NIBAN1: variants seen among roughly 807,000 people sequenced by gnomAD.
NIBAN1 encodes the protein niban apoptosis regulator 1.
In NIBAN1, 81 loss-of-function variants were observed where a neutral mutation model predicts 75.1. That is an observed-to-expected ratio of 1.08 (90% CI 0.90 to 1.30). NIBAN1 has a LOEUF of 1.30. NIBAN1 is among the 50% of genes most tolerant of loss of function. The pLI, the probability that NIBAN1 is intolerant of heterozygous loss-of-function variation, is 0.00. For synonymous variants in NIBAN1, 436 were observed against 424.8 expected (o/e 1.03, Z -0.32); for missense variants, 1,133 against 1,128.1 (o/e 1.00, Z -0.06).
chr1:184,792,857 C>T lies in NIBAN1; in HGVS notation c.*2120G>A, dbSNP rs1327136763. On this transcript the variant is annotated 3_prime_UTR_variant, in exon 14 of 14. Transcript: ENST00000367511. ...GCAGGAAGCACAAATGATGACTAAA[C>T]CCTAGTTTCTGTCTTTTAAGAGAGG... 4 of 152,206 alleles carry T rather than the reference C, an allele frequency of 2.6e-5. No individual in the cohort carries two copies. The highest frequency in any genetic ancestry group is 5.9e-5 in the Non-Finnish European group (4 of 68,064). 9.4% of individuals were successfully genotyped at this position (152,206 alleles called of 1,614,324 possible).
At chr1:184,921,171 G>A (rs930706762) in intron 1 of NIBAN1, among the ~76,000 whole-genome samples, 2 of 151,220 alleles carry the variant, frequency 1.3e-5, no homozygotes, top group Non-Finnish European at 2.9e-5. Context: ...GTGGCACATG[G>A]CTGTAATCCC....
Position 184,949,119 on chromosome 1 carries a change from C to A in NIBAN1, c.55+25183G>T, listed in dbSNP as rs564992449. Among the ~76,000 whole-genome samples, 4 of 151,916 alleles carry A rather than the reference C, an allele frequency of 2.6e-5. 1 individual carries two copies. In the South Asian group the frequency reaches 6.2e-4, roughly 24 times the overall value. On this transcript the variant is annotated intron_variant, in intron 1 of 13. Coordinates refer to ENST00000367511, the MANE Select transcript of NIBAN1 (RefSeq NM_052966.4). Reference sequence around the variant, plus strand: ...TGGAATATTCAGCACTTTGGGAGGCCGAGGCGGGCGGATCATGAGGTCAGA... The same window carrying A: ...TGGAATATTCAGCACTTTGGGAGGCAGAGGCGGGCGGATCATGAGGTCAGA...
At chr1:184,876,641 C>T (rs866397255) in intron 5 of NIBAN1, among the ~76,000 whole-genome samples, 18 of 151,600 alleles carry the variant, frequency 1.2e-4, no homozygotes, top group Middle Eastern at 3.4e-3. Flanking sequence ...GCAGAGGTTG[C>T]AGTGCGCCCA....
chr1:184,926,331 G>A (rs973862054), intron 1 of NIBAN1, among the ~76,000 whole-genome samples: 6 of 152,136 alleles, frequency 3.9e-5, no homozygotes, highest in South Asian at 2.1e-4. Flanking sequence ...TCCACCTCCC[G>A]GGTTCAAGTG....
At chr1:184,899,353 T>A (rs768250219) in intron 1 of NIBAN1, 44 bp from the exon 2 acceptor site, 1 of 1,600,928 alleles carries the variant, frequency 6.2e-7, no homozygotes, top group East Asian at 2.2e-5. Context: ...TAGCACAGAA[T>A]ATACACCTAT....
chr1:184,845,659 C>A (rs1571513832), intron 5 of NIBAN1, among the ~76,000 whole-genome samples: 1 of 29,062 alleles, frequency 3.4e-5, no homozygotes, highest in Non-Finnish European at 7.1e-5. Flanking sequence ...GTCTACAGAT[C>A]CCAGCGTAAG....
At chr1:184,801,981 G>A (rs1170479365) in intron 12 of NIBAN1, among the ~76,000 whole-genome samples, 1 of 152,198 alleles carries the variant, frequency 6.6e-6, no homozygotes, top group Non-Finnish European at 1.5e-5. Context: ...GTGTTGGGGA[G>A]TCAGAATCAT....
At chr1:184,820,504 T>C (rs1224502849) in intron 8 of NIBAN1, among the ~76,000 whole-genome samples, 1 of 152,242 alleles carries the variant, frequency 6.6e-6, no homozygotes, top group Admixed American at 6.5e-5. Flanking sequence ...TTCACCCTAA[T>C]GTCCTGGAAC....
At chr1:184,869,583 C>T (rs1656044675) in intron 5 of NIBAN1, among the ~76,000 whole-genome samples, 1 of 150,614 alleles carries the variant, frequency 6.6e-6, no homozygotes, top group Non-Finnish European at 1.5e-5. Context: ...CACTCTGTTT[C>T]CCAAGCCGGA....
chr1:184,958,599 C>T (rs184188123), intron 1 of NIBAN1, among the ~76,000 whole-genome samples: 2 of 152,098 alleles, frequency 1.3e-5, no homozygotes, highest in Admixed American at 1.3e-4. Context: ...CATTTGATAC[C>T]CTGTTACCTT....
chr1:184,888,353 TC>T (rs1391218335), intron 4 of NIBAN1, among the ~76,000 whole-genome samples: 1 of 152,144 alleles, frequency 6.6e-6, no homozygotes, highest in Admixed American at 6.5e-5. Context: ...TATCAAACAA[TC>T]CTCCTTGCCC....
intron 5 of NIBAN1, among the ~76,000 whole-genome samples, chr1:184,853,863 T>A (rs1655606631): frequency 6.6e-6 from 1 of 152,206 alleles, no homozygotes; most frequent in African/African-American, 2.4e-5. Flanking sequence ...TCTCTTTGCT[T>A]TCCCATTAAG....
chr1:184,952,125 G>C (rs1254138777), intron 1 of NIBAN1, among the ~76,000 whole-genome samples: 1 of 152,214 alleles, frequency 6.6e-6, no homozygotes, highest in East Asian at 1.9e-4. Context: ...GATAGGCCAG[G>C]CATGATGGCT....
intron 1 of NIBAN1, among the ~76,000 whole-genome samples, chr1:184,938,594 T>G (rs1427851797): frequency 6.6e-6 from 1 of 152,162 alleles, no homozygotes; most frequent in Non-Finnish European, 1.5e-5. Flanking sequence ...AGGTTTAACA[T>G]ATTTTTCAGC....
intron 1 of NIBAN1, among the ~76,000 whole-genome samples, chr1:184,927,314 A>G (rs1657707566): frequency 6.6e-6 from 1 of 152,146 alleles, no homozygotes; most frequent in Non-Finnish European, 1.5e-5. Flanking sequence ...AAGGCTTTCC[A>G]GGTATTCAAA....
At chr1:184,863,740 T>TATTCAA (rs1416003083) in intron 5 of NIBAN1, among the ~76,000 whole-genome samples, 3 of 152,200 alleles carry the variant, frequency 2.0e-5, no homozygotes, top group African/African-American at 7.2e-5. Context: ...ATTCAAGCAC[T>TATTCAA]GGACATACTC....
intron 5 of NIBAN1, among the ~76,000 whole-genome samples, chr1:184,840,500 A>G (rs1327231830): frequency 1.3e-5 from 2 of 152,134 alleles, no homozygotes; most frequent in Non-Finnish European, 2.9e-5. Flanking sequence ...AACAAATGGA[A>G]GAATGGTGTT....
At chr1:184,901,556 C>A (rs988372536) in intron 1 of NIBAN1, among the ~76,000 whole-genome samples, 1 of 152,120 alleles carries the variant, frequency 6.6e-6, no homozygotes, top group African/African-American at 2.4e-5. Flanking sequence ...AAATGATGAA[C>A]AAAATTTGCC....
Position 184,955,330 on chromosome 1 carries a change from T to TCCTTTCCTTC in NIBAN1, c.55+18971_55+18972insGAAGGAAAGG, listed in dbSNP as rs1658458272. On this transcript the variant is annotated intron_variant, in intron 1 of 13. Coordinates refer to ENST00000367511, the MANE Select transcript of NIBAN1 (RefSeq NM_052966.4). ...TCTTTTCCTTTCCTTTCCTTTCCTT[T>TCCTTTCCTTC]CCTTTCCTTTCCTTTCCTTTCCTTT... Among the ~76,000 whole-genome samples, 3 of 144,550 alleles carry TCCTTTCCTTC rather than the reference T, an allele frequency of 2.1e-5. No homozygotes were observed. In the Admixed American group the frequency reaches 2.2e-4, roughly 11 times the overall value. 94.8% of individuals were successfully genotyped at this position (144,550 alleles called of 152,430 possible).
Sources: gnomAD v4.1 joint callset for allele counts (sites outside exome capture counted in the v4.1 genomes callset) on GRCh38, gnomAD v4.1.1 for gene constraint, MANE v1.5 for transcripts, NCBI Gene and HGNC (gene_info 2026-07-23, HGNC 2026-07-21) for gene names.